FOCAD: variants seen among roughly 807,000 people sequenced by gnomAD.
The protein encoded by FOCAD is KIAA1797.
FOCAD carries 198 observed loss-of-function variants against 225.6 expected under a neutral mutation model. The observed-to-expected ratio is 0.88, with a 90% confidence interval of 0.78 to 0.99. The LOEUF is 0.99. Among genes scored for constraint, FOCAD ranks in the 50% least tolerant of loss-of-function variants. FOCAD has a pLI of 0.00. For missense variants in FOCAD, 2,713 were observed against 2,123.6 expected (o/e 1.28, Z -5.46); for synonymous variants, 897 against 755.0 (o/e 1.19, Z -3.08).
intron 5 of FOCAD, 40 bp from the exon 6 acceptor site, chr9:20,758,050 C>A (rs757456172): frequency 2.1e-6 from 3 of 1,416,354 alleles, no homozygotes; most frequent in South Asian, 1.2e-5. Context: ...ATGTGTAGTC[C>A]TGAATAACAG....
chr9:20,887,719 C>A (rs996378840), intron 21 of FOCAD, among the ~76,000 whole-genome samples: 4 of 152,156 alleles, frequency 2.6e-5, no homozygotes, highest in Non-Finnish European at 4.4e-5. Context: ...AGTGAGAGTG[C>A]AACGTCATGT....
At chr9:20,771,110 C>T (rs1432770203) in intron 8 of FOCAD, among the ~76,000 whole-genome samples, 2 of 152,004 alleles carry the variant, frequency 1.3e-5, no homozygotes, top group Admixed American at 6.6e-5. Flanking sequence ...GGTACAAGGG[C>T]CTGGGAAGGG....
chr9:20,836,532 A>G (rs1826008563), intron 15 of FOCAD, among the ~76,000 whole-genome samples: 1 of 152,090 alleles, frequency 6.6e-6, no homozygotes, highest in Non-Finnish European at 1.5e-5. Context: ...TGATGCCTTC[A>G]GTTCTTCCTG....
intron 21 of FOCAD, among the ~76,000 whole-genome samples, chr9:20,902,339 T>G (rs1050218633): frequency 5.9e-5 from 9 of 151,840 alleles, no homozygotes; most frequent in African/African-American, 2.2e-4. Flanking sequence ...AAGCAGTGAG[T>G]GCAAAGGTCC....
intron 31 of FOCAD, 112 bp downstream of exon 31, chr9:20,948,505 G>A: frequency 8.7e-7 from 1 of 1,152,008 alleles, no homozygotes. Flanking sequence ...TAAAAGAATA[G>A]GCAATTTTAA....
At chr9:20,813,948 T>C (rs1010222816) in intron 11 of FOCAD, among the ~76,000 whole-genome samples, 7 of 152,220 alleles carry the variant, frequency 4.6e-5, no homozygotes, top group African/African-American at 1.7e-4. Flanking sequence ...ATTGTCCTGG[T>C]GAATTGACCC....
intron 4 of FOCAD, among the ~76,000 whole-genome samples, chr9:20,732,768 G>A (rs148655613): frequency 6.6e-5 from 10 of 152,204 alleles, no homozygotes; most frequent in African/African-American, 2.4e-4. Flanking sequence ...AGAGATGGGG[G>A]AAGTAGAGGG....
rs542507874 is a variant in FOCAD, at chr9:20,972,098, T to C, written c.4133-4322T>C. Among the ~76,000 whole-genome samples, 71 of 152,284 alleles carry C rather than the reference T, an allele frequency of 4.7e-4. 1 individual carries two copies. The highest frequency in any genetic ancestry group is 1.9e-3 in the South Asian group (9 of 4,834). ...CTTCATGATCTTGCTTTCAATTTCT[T>C]TGGGATATACACCTAAAAGTGAGGT... On this transcript the variant is annotated intron_variant, in intron 35 of 43. Coordinates refer to ENST00000338382, the MANE Select transcript of FOCAD (RefSeq NM_001375567.1).
intron 35 of FOCAD, among the ~76,000 whole-genome samples, chr9:20,967,452 T>G (rs748454729): frequency 3.7e-4 from 57 of 152,180 alleles, no homozygotes; most frequent in Non-Finnish European, 7.9e-4. Flanking sequence ...TAGGATCATA[T>G]CATTTGCAAA....
At position 20,720,549 on chromosome 9, in the gene FOCAD, G is replaced by A. The variant is rs1366105436; in HGVS notation, c.287+15G>A. ...CCATCAACCAGGTACTTTTTCCTCAGTGTTTGGTCAGTTAATGATTTAAGT... is the reference window on the plus strand; with the variant it reads ...CCATCAACCAGGTACTTTTTCCTCAATGTTTGGTCAGTTAATGATTTAAGT... On this transcript the variant is annotated intron_variant, in intron 4 of 43. Coordinates refer to ENST00000338382, the MANE Select transcript of FOCAD (RefSeq NM_001375567.1). The A allele has an allele frequency of 6.2e-7, 1 of 1,611,160 alleles. No homozygotes were observed. Among genetic ancestry groups the A allele is most frequent in the East Asian group, 2.2e-5 (1 of 44,826 alleles).
At chr9:20,975,337 A>G (rs1840137318) in intron 35 of FOCAD, among the ~76,000 whole-genome samples, 1 of 152,200 alleles carries the variant, frequency 6.6e-6, no homozygotes, top group Admixed American at 6.5e-5. Context: ...TAGGAATATA[A>G]TATTAAAGTA....
chr9:20,682,833 C>T (rs1249111648), upstream of FOCAD, among the ~76,000 whole-genome samples: 1 of 152,176 alleles, frequency 6.6e-6, no homozygotes, highest in Non-Finnish European at 1.5e-5. Flanking sequence ...TGCAGTGGCG[C>T]CACCTCGGCT....
chr9:20,698,665 C>T (rs909763928), intron 1 of FOCAD, among the ~76,000 whole-genome samples: 7 of 152,066 alleles, frequency 4.6e-5, no homozygotes, highest in Admixed American at 2.6e-4. Flanking sequence ...TGAGCCACTG[C>T]GCCCGGCTTA....
intron 20 of FOCAD, among the ~76,000 whole-genome samples, chr9:20,882,272 G>C (rs1030345305): frequency 3.3e-5 from 5 of 152,176 alleles, no homozygotes; most frequent in Non-Finnish European, 7.3e-5. Context: ...TAACATTTTA[G>C]AACTGTTTTC....
At chr9:20,988,071 T>C (rs1316449930) in intron 40 of FOCAD, among the ~76,000 whole-genome samples, 1 of 152,228 alleles carries the variant, frequency 6.6e-6, no homozygotes, top group South Asian at 2.1e-4. Flanking sequence ...AACAAATGCA[T>C]TTTATCACTA....
At chr9:20,848,120 G>C (rs1827297104) in intron 15 of FOCAD, among the ~76,000 whole-genome samples, 1 of 152,024 alleles carries the variant, frequency 6.6e-6, no homozygotes, top group Admixed American at 6.6e-5. Flanking sequence ...TTTGATCATA[G>C]TTTTACATGG....
At chr9:20,925,731 T>A (rs1307154909) in intron 25 of FOCAD, among the ~76,000 whole-genome samples, 1 of 152,190 alleles carries the variant, frequency 6.6e-6, no homozygotes, top group Non-Finnish European at 1.5e-5. Context: ...TTTGTTGTTT[T>A]GTTTTTGTGT....
chr9:20,840,302 C>A (rs1222481976), intron 15 of FOCAD, among the ~76,000 whole-genome samples: 1 of 151,768 alleles, frequency 6.6e-6, no homozygotes, highest in Admixed American at 6.6e-5. Context: ...CATGGAATAT[C>A]TTTCTATTTA....
chr9:20,877,064 C>G (rs1174919433), intron 19 of FOCAD, among the ~76,000 whole-genome samples: 1 of 152,146 alleles, frequency 6.6e-6, no homozygotes, highest in African/African-American at 2.4e-5. Context: ...TTGATAACAT[C>G]TCACATAACC....
Sources: gnomAD v4.1 joint callset for allele counts (sites outside exome capture counted in the v4.1 genomes callset) on GRCh38, gnomAD v4.1.1 for gene constraint, MANE v1.5 for transcripts, NCBI Gene and HGNC (gene_info 2026-07-23, HGNC 2026-07-21) for gene names.